The following NBN variants were observed in gnomAD, a reference collection of about 807,000 sequenced individuals.
NBN encodes Nijmegen breakage syndrome 1 (nibrin).
A neutral mutation model predicts 90.8 loss-of-function variants in NBN; 88 were observed. That is an observed-to-expected ratio of 0.97 (90% CI 0.82 to 1.16). NBN has a LOEUF of 1.16. Among genes scored for constraint, NBN ranks in the 50% most tolerant of loss-of-function variants. The pLI is 0.00. For synonymous variants in NBN, 328 were observed against 295.1 expected (o/e 1.11, Z -1.14); for missense variants, 894 against 869.6 (o/e 1.03, Z -0.35).
chr8:89,978,789 C>A (rs1222253371), intron 4 of NBN, among the ~76,000 whole-genome samples: 1 of 151,912 alleles, frequency 6.6e-6, no homozygotes, highest in African/African-American at 2.4e-5. Flanking sequence ...GCAATAAAGC[C>A]TTTTTGAGAA....
intron 13 of NBN, among the ~76,000 whole-genome samples, chr8:89,943,630 A>AT: frequency 6.6e-6 from 1 of 152,132 alleles, no homozygotes; most frequent in Non-Finnish European, 1.5e-5. Context: ...TGGAGTTTTT[A>AT]TTTTAAAATG....
In NBN at chr8:89,956,992, C is replaced by G. The variant is rs748047941; in HGVS notation, c.1125-1437G>C. On this transcript the variant is annotated intron_variant, in intron 9 of 15. Transcript: ENST00000265433. ...TGTATAAAAGTATAGCACAACAGCA[C>G]ATACAATTCGGTACAATACATAATA... 2.0e-4 allele frequency among the ~76,000 whole-genome samples: 30 copies of G among 152,250 alleles called. 1 individual carries two copies. The highest frequency in any genetic ancestry group is 2.6e-4 in the Non-Finnish European group (18 of 68,014).
At chr8:89,951,397 A>G (rs2129685010) in intron 11 of NBN, among the ~76,000 whole-genome samples, 1 of 152,122 alleles carries the variant, frequency 6.6e-6, no homozygotes, top group South Asian at 2.1e-4. Flanking sequence ...TCAGAGGAGA[A>G]GAGAGCACAG....
chr8:89,956,022 T>C (rs149465945), intron 9 of NBN, among the ~76,000 whole-genome samples: 1 of 151,978 alleles, frequency 6.6e-6, no homozygotes, highest in African/African-American at 2.4e-5. Context: ...TTCAGGTCAC[T>C]GTAAATGAAC....
intron 15 of NBN, 122 bp from the exon 16 acceptor site, chr8:89,935,734 C>A: frequency 8.1e-7 from 1 of 1,239,688 alleles, no homozygotes; most frequent in Non-Finnish European, 1.2e-6. Flanking sequence ...CAATTTTGTC[C>A]TTAGGATCAG....
rs542639783 is a variant in NBN, at chr8:89,950,758, G to C, written c.1845+2486C>G. On this transcript the variant is annotated intron_variant, in intron 11 of 15. Transcript: ENST00000265433. ...ACATATTAAATGAAAGTTTCTTTCG[G>C]TCTATGAAAGACTGTTTGATGGCTC... 2.7e-5 allele frequency among the ~76,000 whole-genome samples: 4 copies of C among 149,336 alleles called. No individual in the cohort carries two copies. The East Asian group carries it at 7.9e-4, about 30-fold the overall frequency.
chr8:89,970,979 C>A (rs2031187889), intron 6 of NBN, among the ~76,000 whole-genome samples, 194 bp downstream of exon 6: 1 of 152,174 alleles, frequency 6.6e-6, no homozygotes, highest in Admixed American at 6.5e-5. Context: ...GGCCAGTTAT[C>A]ACAGATTTTA....
At chr8:89,943,466 G>T (rs1810047045) in intron 13 of NBN, 100 bp from the exon 14 acceptor site, 1 of 1,201,642 alleles carries the variant, frequency 8.3e-7, no homozygotes, top group Admixed American at 1.8e-5. Flanking sequence ...TCATGCATAA[G>T]TGCCAAAGAT....
At chr8:89,953,206 T>G in intron 11 of NBN, 38 bp downstream of exon 11, 2 of 1,447,720 alleles carry the variant, frequency 1.4e-6, no homozygotes, top group Middle Eastern at 1.7e-4. Context: ...CATTCTAAGC[T>G]TCTATGTACT....
chr8:89,964,219 C>T lies in NBN; in HGVS notation c.994+191G>A, dbSNP rs181566011. Among the ~76,000 whole-genome samples the T allele has an allele frequency of 2.6e-4, 39 of 152,156 alleles. 1 individual carries two copies. The highest frequency in any genetic ancestry group is 2.3e-3 in the Admixed American group (35 of 15,278). The stretch of plus-strand genomic sequence containing the variant: ...CAAGGATCTTTCTTATTTTATTTAC[C>T]ACTTCATAACAGTTTCTGCTACATG... On this transcript the variant is annotated intron_variant, in intron 8 of 15. Transcript: ENST00000265433.
chr8:89,942,616 A>G (rs1810001832), intron 14 of NBN, among the ~76,000 whole-genome samples: 1 of 152,212 alleles, frequency 6.6e-6, no homozygotes, highest in African/African-American at 2.4e-5. Flanking sequence ...AGAAAGAAAT[A>G]AAACAGACTT....
chr8:89,981,021 G>A (rs975098458), intron 3 of NBN, 128 bp from the exon 4 acceptor site: 3 of 832,582 alleles, frequency 3.6e-6, no homozygotes, highest in Admixed American at 2.4e-5. Context: ...GTTACCCTTT[G>A]TAACCTATGA....
chr8:89,973,903 T>C (rs1235370), intron 5 of NBN, among the ~76,000 whole-genome samples: 149,937 of 152,300 alleles, frequency 0.98, 73,820 homozygotes, highest in East Asian at 1. Context: ...ACAGAAACTT[T>C]AAGAGCTACA....
intron 12 of NBN, among the ~76,000 whole-genome samples, chr8:89,946,875 A>G (rs1810215448): frequency 6.6e-6 from 1 of 152,196 alleles, no homozygotes; most frequent in East Asian, 1.9e-4. Context: ...CCTTCCTGTT[A>G]TCTTTCAATT....
chr8:89,959,683 G>A (rs1157346343), intron 8 of NBN, among the ~76,000 whole-genome samples: 1 of 152,206 alleles, frequency 6.6e-6, no homozygotes, highest in Admixed American at 6.5e-5. Flanking sequence ...GAGCCCAGGA[G>A]GTCAAGGCTG....
Position 89,936,843 on chromosome 8 carries a change from C to A in NBN, c.2234+183G>T, listed in dbSNP as rs548877321. Among the ~76,000 whole-genome samples, 34 of 152,290 alleles carry A rather than the reference C, an allele frequency of 2.2e-4. No individual in the cohort carries two copies. In the South Asian group the frequency reaches 7.0e-3, roughly 32 times the overall value. ...AGTATCTTATAACTTAACCCCAAAC[C>A]TCGATGCTATAGCCAATAAACCCAA... is the stretch of plus-strand genomic sequence containing the variant. On this transcript the variant is annotated intron_variant, in intron 15 of 15. Coordinates refer to ENST00000265433, the MANE Select transcript of NBN (RefSeq NM_002485.5).
intron 2 of NBN, 104 bp downstream of exon 2, chr8:89,982,617 TA>T: frequency 9.2e-7 from 1 of 1,089,638 alleles, no homozygotes; most frequent in Non-Finnish European, 1.4e-6. Context: ...CACAGCTCTA[TA>T]AAATGACAAA....
intron 11 of NBN, 141 bp downstream of exon 11, chr8:89,953,103 T>A: frequency 1.5e-6 from 1 of 646,534 alleles, no homozygotes; most frequent in Non-Finnish European, 2.7e-6. Context: ...ATTTACCATT[T>A]ACCTTATCAA....
chr8:89,977,466 G>C (rs945044659), intron 5 of NBN, among the ~76,000 whole-genome samples: 8 of 152,182 alleles, frequency 5.3e-5, no homozygotes, highest in African/African-American at 1.4e-4. Flanking sequence ...CATATACCCA[G>C]TCTATCATTG....
Sources: allele counts gnomAD v4.1 joint callset (sites outside exome capture counted in the v4.1 genomes callset), GRCh38; gene constraint gnomAD v4.1.1; transcripts MANE v1.5; gene names NCBI Gene and HGNC (gene_info 2026-07-23, HGNC 2026-07-21).